The following OXR1 variants were observed in gnomAD, a reference collection of about 807,000 sequenced individuals.
OXR1 encodes oxidation resistance protein 1.
OXR1 carries 41 observed loss-of-function variants against 104.6 expected under a neutral mutation model. The ratio of observed to expected loss-of-function variants is 0.39; its 90% CI spans 0.31 to 0.51. OXR1 has a LOEUF of 0.51. OXR1 is among the 20% of genes least tolerant of loss of function. The probability of loss-of-function intolerance (pLI) is 0.77; values close to 1 mark genes in which losing one functional copy is unlikely to be tolerated. For synonymous variants in OXR1, 348 were observed against 348.4 expected, an observed-to-expected ratio of 1.00 and a Z score of 0.01; for missense variants, 955 against 1,031.9, an observed-to-expected ratio of 0.93 and a Z score of 1.02.
chr8:106,492,604 T>G (rs2444320), intron 2 of OXR1, among the ~76,000 whole-genome samples: 124,349 of 152,052 alleles, frequency 0.82, 51,019 homozygotes, highest in Admixed American at 0.87. Context: ...TGTTTACCAT[T>G]CCCCCCTCCA....
In OXR1 at chr8:106,751,192, G is replaced by A. The variant is rs947572880; in HGVS notation, c.*251G>A. 1.7e-5 allele frequency: 5 copies of A among 289,934 alleles called. No homozygotes were observed. Among genetic ancestry groups the A allele is most frequent in the Non-Finnish European group, 2.5e-5 (4 of 157,752 alleles). 18.0% of individuals were successfully genotyped at this position (289,934 alleles called of 1,614,324 possible). On this transcript the variant is annotated 3_prime_UTR_variant, in exon 17 of 17. Coordinates refer to ENST00000517566, the MANE Select transcript of OXR1 (RefSeq NM_001198533.2). Reference sequence around the variant, plus strand: ...ACAGCTTGGGTTTGTTAGAATTTGGGCAACATTTTGATTATAATGACAACT... The same window carrying A: ...ACAGCTTGGGTTTGTTAGAATTTGGACAACATTTTGATTATAATGACAACT...
rs572636115 is a variant in OXR1 at position 106,573,496 on chromosome 8, A to G, written c.220+54357A>G. 2.1e-3 allele frequency among the ~76,000 whole-genome samples: 322 copies of G among 152,354 alleles called. 1 individual carries two copies. Among genetic ancestry groups the G allele is most frequent in the South Asian group, 0.011 (51 of 4,828 alleles). On this transcript the variant is annotated intron_variant, in intron 3 of 16. Transcript: ENST00000517566. The stretch of plus-strand genomic sequence containing the variant: ...AGTAATGATTCTGCTAAAAAAGCTC[A>G]GAAACACTGGTCAAATACTGACTTT...
At chr8:106,633,426 T>A (rs1822873925) in intron 3 of OXR1, among the ~76,000 whole-genome samples, 1 of 152,230 alleles carries the variant, frequency 6.6e-6, no homozygotes, top group South Asian at 2.1e-4. Context: ...ACTTTGGTCT[T>A]AGTGCTCTTT....
At chr8:106,302,970 G>C (rs901593209) in intron 1 of OXR1, among the ~76,000 whole-genome samples, 1 of 151,600 alleles carries the variant, frequency 6.6e-6, no homozygotes, top group African/African-American at 2.4e-5. Context: ...AGCCAGGATG[G>C]TCTCAATCTC....
At chr8:106,284,804 C>CT (rs11413431) in intron 1 of OXR1, among the ~76,000 whole-genome samples, 36,948 of 151,318 alleles carry the variant, frequency 0.24, 5,410 homozygotes, top group African/African-American at 0.41. Flanking sequence ...TAACCTCAAT[C>CT]TTTTTTTAAA....
chr8:106,688,649 AT>A (rs1248572939), intron 6 of OXR1, among the ~76,000 whole-genome samples: 1 of 152,124 alleles, frequency 6.6e-6, no homozygotes, highest in Non-Finnish European at 1.5e-5. Context: ...CTTTAATAAC[AT>A]TTTAATTACT....
At chr8:106,604,102 G>T (rs1820180449) in intron 3 of OXR1, among the ~76,000 whole-genome samples, 1 of 152,060 alleles carries the variant, frequency 6.6e-6, no homozygotes, top group Non-Finnish European at 1.5e-5. Flanking sequence ...CTGAACACTT[G>T]CAGGGATTAA....
chr8:106,506,226 G>A (rs940587090), intron 2 of OXR1, among the ~76,000 whole-genome samples: 5 of 152,198 alleles, frequency 3.3e-5, no homozygotes, highest in Admixed American at 6.5e-5. Context: ...TTTTGGACAT[G>A]TTAAGTATAA....
intron 3 of OXR1, among the ~76,000 whole-genome samples, chr8:106,637,194 GCTA>G (rs1323587666): frequency 6.6e-6 from 1 of 152,086 alleles, no homozygotes; most frequent in Admixed American, 6.5e-5. Context: ...TAACCTTGTT[GCTA>G]CTGTTAAAGA....
chr8:106,414,976 C>T (rs971772467), intron 2 of OXR1, among the ~76,000 whole-genome samples: 2 of 152,214 alleles, frequency 1.3e-5, no homozygotes, highest in Non-Finnish European at 2.9e-5. Context: ...AGAAGCCAAA[C>T]GCTGTACTGC....
chr8:106,641,787 A>G (rs1297555947), intron 3 of OXR1, among the ~76,000 whole-genome samples: 1 of 152,224 alleles, frequency 6.6e-6, no homozygotes, highest in African/African-American at 2.4e-5. Flanking sequence ...TAAAACTGTG[A>G]AAGAGTATCA....
At chr8:106,377,295 G>T in intron 2 of OXR1, among the ~76,000 whole-genome samples, 1 of 151,560 alleles carries the variant, frequency 6.6e-6, no homozygotes, top group South Asian at 2.1e-4. Context: ...CGATCTTTCC[G>T]TCTCAGTCTC....
chr8:106,440,643 A>AT (rs1177761698), intron 2 of OXR1, among the ~76,000 whole-genome samples: 1 of 151,898 alleles, frequency 6.6e-6, no homozygotes, highest in Non-Finnish European at 1.5e-5. Flanking sequence ...TTCCACTCTC[A>AT]TTTTTTCTTT....
At chr8:106,361,511 T>TA (rs1816243255) in intron 2 of OXR1, among the ~76,000 whole-genome samples, 1 of 152,214 alleles carries the variant, frequency 6.6e-6, no homozygotes, top group Admixed American at 6.5e-5. Context: ...GCCCAAGTGC[T>TA]GGCAGCAAAG....
rs528939333 is a variant in OXR1, at chr8:106,499,977, C to T, written c.24-18966C>T. Reference sequence around the variant, plus strand: ...GAATGCTAAATATGTAGTCACTGAGCTTTCATTTGCTTACTGTGCCAAAAG... The same window carrying T: ...GAATGCTAAATATGTAGTCACTGAGTTTTCATTTGCTTACTGTGCCAAAAG... On this transcript the variant is annotated intron_variant, in intron 2 of 16. Transcript: ENST00000517566. Among the ~76,000 whole-genome samples, 3 of 152,324 alleles carry T rather than the reference C, an allele frequency of 2.0e-5. No homozygotes were observed. In the East Asian group the frequency reaches 5.8e-4, roughly 29 times the overall value.
chr8:106,643,957 C>T (rs985534465), intron 3 of OXR1, among the ~76,000 whole-genome samples: 2 of 152,138 alleles, frequency 1.3e-5, no homozygotes, highest in African/African-American at 4.8e-5. Context: ...TTATTTTCAA[C>T]CATTTTCTAG....
intron 3 of OXR1, among the ~76,000 whole-genome samples, chr8:106,635,330 G>A (rs1206809090): frequency 6.6e-6 from 1 of 152,202 alleles, no homozygotes. Flanking sequence ...TGTTGCATAT[G>A]TGTGATTGGC....
At chr8:106,433,946 A>G (rs146079083) in intron 2 of OXR1, among the ~76,000 whole-genome samples, 44 of 152,342 alleles carry the variant, frequency 2.9e-4, no homozygotes, top group Non-Finnish European at 4.9e-4. Context: ...TACATTCATG[A>G]TAATAGTGAT....
At chr8:106,472,627 C>A (rs1821577209) in intron 2 of OXR1, among the ~76,000 whole-genome samples, 1 of 151,824 alleles carries the variant, frequency 6.6e-6, no homozygotes, top group Admixed American at 6.6e-5. Flanking sequence ...TACATGCAGA[C>A]AACTTGCTAT....
Sources: allele counts gnomAD v4.1 joint callset (sites outside exome capture counted in the v4.1 genomes callset), GRCh38; gene constraint gnomAD v4.1.1; transcripts MANE v1.5; gene names NCBI Gene and HGNC (gene_info 2026-07-23, HGNC 2026-07-21).